IL24: variants seen among roughly 807,000 people sequenced by gnomAD.
The protein encoded by IL24 is interleukin 24, also known as interleukin-24.
In IL24, 24 loss-of-function variants were observed where a neutral mutation model predicts 27.6. The observed-to-expected ratio is 0.87, with a 90% CI of 0.63 to 1.22. The LOEUF is 1.22. Ranked by LOEUF, IL24 falls within the 50% of genes most tolerant of loss-of-function variation. IL24 has a pLI of 0.00. For synonymous variants in IL24, 99 were observed against 93.1 expected, an observed-to-expected ratio of 1.06 and a Z score of -0.36; for missense variants, 240 against 237.0, an observed-to-expected ratio of 1.01 and a Z score of -0.08.
chr1:206,898,181 A>G (rs1396404312), intron 2 of IL24, among the ~76,000 whole-genome samples: 1 of 115,008 alleles, frequency 8.7e-6, no homozygotes, highest in East Asian at 3.2e-4. Flanking sequence ...AAAAAAAAAA[A>G]AAAAAGCCTG....
intron 5 of IL24, 129 bp from the exon 6 acceptor site, chr1:206,901,869 G>T: frequency 1.0e-6 from 1 of 970,466 alleles, no homozygotes. Flanking sequence ...GTTACCTTGG[G>T]GAATGCAGGA....
rs755125995 is a variant in IL24 at position 206,899,498 on chromosome 1, G to T, written c.223G>T (p.Ala75Ser). Residue 75 changes from alanine (A) to serine (S), a missense_variant, in exon 3 of 7, where the codon GCT becomes TCT. By Grantham distance (99) the Ala-to-Ser change is moderately conservative (BLOSUM62 1). Transcript: ENST00000294984. ...CCAGAAACTGTGGGAAGCCTTCTGG[G>T]CTGTGAAAGACACTATGGTGAGTAA... is the stretch of plus-strand genomic sequence containing the variant. ...VPQKLWEAFWAVKDTMQAQDN... is the reference protein window; with the variant it reads ...VPQKLWEAFWSVKDTMQAQDN... 1 of 1,606,888 alleles carries T rather than the reference G, an allele frequency of 6.2e-7. No homozygotes were observed. The highest frequency in any genetic ancestry group is 1.7e-5 in the Admixed American group (1 of 59,334).
chr1:206,899,300 G>T lies in IL24; in HGVS notation c.45-20G>T. ...GGTCAGAGGGCCGGCCTCACAGGCT[G>T]CCTCCCTTTCTTTCAGCAGACCCTT... On this transcript the variant is annotated intron_variant, in intron 2 of 6. Coordinates refer to ENST00000294984, the MANE Select transcript of IL24 (RefSeq NM_006850.3). The T allele has an allele frequency of 1.9e-6, 3 of 1,610,804 alleles. No homozygotes were observed. The highest frequency in any genetic ancestry group is 2.5e-6 in the Non-Finnish European group (3 of 1,178,640).
chr1:206,903,477 T>C lies in IL24; in HGVS notation c.*418T>C, dbSNP rs150561195. 95 of 164,538 alleles carry C rather than the reference T, an allele frequency of 5.8e-4. No homozygotes were observed. The highest frequency in any genetic ancestry group is 2.2e-3 in the African/African-American group (93 of 41,776). 10.2% of individuals were successfully genotyped at this position (164,538 alleles called of 1,614,324 possible). A position where few individuals can be genotyped will look rare whatever the true frequency, so the allele number is the denominator to read the frequency against. On this transcript the variant is annotated 3_prime_UTR_variant, in exon 7 of 7. Transcript: ENST00000294984. ...ATAAACTGTGGTGCTTTTTTTGGCCTGTCTTTGGATTGTTAAAAAACAGAG... is the reference window on the plus strand; with the variant it reads ...ATAAACTGTGGTGCTTTTTTTGGCCCGTCTTTGGATTGTTAAAAAACAGAG...
At chr1:206,898,740 T>C (rs1483527304) in intron 2 of IL24, among the ~76,000 whole-genome samples, 2 of 152,072 alleles carry the variant, frequency 1.3e-5, no homozygotes, top group Non-Finnish European at 2.9e-5. Flanking sequence ...TTAGTGGAGG[T>C]GGCATAGTCT....
intron 4 of IL24, among the ~76,000 whole-genome samples, chr1:206,900,744 T>C (rs1175314236): frequency 6.6e-6 from 1 of 151,714 alleles, no homozygotes; most frequent in African/African-American, 2.4e-5. Context: ...TGATGTCTCA[T>C]AGACTGGATA....
In IL24 at chr1:206,897,813, G is replaced by C. The variant is rs573462995; in HGVS notation, c.-20G>C. ...TGAGGCTGCTTGGGAGGAAGGCCAG[G>C]AGGAACACGAGACTGAGAGATGAAT... On this transcript the variant is annotated 5_prime_UTR_variant, in exon 2 of 7. Coordinates refer to ENST00000294984, the MANE Select transcript of IL24 (RefSeq NM_006850.3). 1.2e-6 allele frequency: 2 copies of C among 1,612,448 alleles called. No homozygotes were observed. The highest frequency in any genetic ancestry group is 1.3e-5 in the African/African-American group (1 of 74,868).
At chr1:206,898,852 AG>A (rs1261089855) in intron 2 of IL24, among the ~76,000 whole-genome samples, 1 of 152,092 alleles carries the variant, frequency 6.6e-6, no homozygotes, top group East Asian at 1.9e-4. Context: ...CCTGGGGAGG[AG>A]AAAAAGACCT....
In IL24 at chr1:206,902,540, C is replaced by CA. The variant is rs1044062421; in HGVS notation, c.538-436_538-435insA. The CA allele has an allele frequency of 2.2e-4, 212 of 982,136 alleles. 2 individuals carry two copies. The highest frequency in any genetic ancestry group is 1.3e-4 in the Admixed American group (2 of 15,844). 60.8% of individuals were successfully genotyped at this position (982,136 alleles called of 1,614,324 possible). ...AAACCCAAATTTCATCCCCAGCCCC[C>CA]CTAAAAACATAAATGATTTCGATCA... On this transcript the variant is annotated intron_variant, in intron 6 of 6. Transcript: ENST00000294984.
intron 2 of IL24, among the ~76,000 whole-genome samples, chr1:206,899,012 G>A (rs3093443): frequency 3.1e-4 from 47 of 152,294 alleles, no homozygotes; most frequent in Non-Finnish European, 6.2e-4. Flanking sequence ...ATTCTGACTC[G>A]CAGGTTGTAG....
intron 2 of IL24, 144 bp downstream of exon 2, chr1:206,898,020 G>A (rs1678225975): frequency 1.9e-6 from 1 of 522,786 alleles, no homozygotes; most frequent in South Asian, 2.3e-5. Context: ...AGTTGGGCAT[G>A]TGTTTTTGAT....
In IL24 at chr1:206,902,036, C is replaced by T. The variant is rs1678409255; in HGVS notation, c.501C>T (p.His167=). ...TGTTTTCCATCAGAGACAGTGCACA[C>T]AGGCGGTTTCTGCTATTCCGGAGAG... ...NEMFSIRDSA[H]RRFLLFRRAF... is the part of the protein sequence containing the mutation. Residue 167 remains histidine (H), a synonymous_variant, in exon 6 of 7, where the codon CAC becomes CAT. Coordinates refer to ENST00000294984, the MANE Select transcript of IL24 (RefSeq NM_006850.3). The T allele has an allele frequency of 1.9e-6, 3 of 1,614,140 alleles. No homozygotes were observed. Among genetic ancestry groups the T allele is most frequent in the Non-Finnish European group, 2.5e-6 (3 of 1,180,036 alleles).
Position 206,902,053 on chromosome 1 carries a change from T to C in IL24, c.518T>C (p.Phe173Ser). ...AGTGCACACAGGCGGTTTCTGCTATTCCGGAGAGCATTCAAACAGGTAAGG... is the reference window on the plus strand; with the variant it reads ...AGTGCACACAGGCGGTTTCTGCTATCCCGGAGAGCATTCAAACAGGTAAGG... The part of the protein sequence containing the change: ...RDSAHRRFLL[F>S]RRAFKQLDVE... Residue 173 changes from phenylalanine (F) to serine (S), a missense_variant, in exon 6 of 7, where the codon TTC becomes TCC. Phe to Ser is a radical substitution (Grantham distance 155, BLOSUM62 -2). Transcript: ENST00000294984. 1 of 1,614,084 alleles carries C rather than the reference T, an allele frequency of 6.2e-7. No individual in the cohort carries two copies. Among genetic ancestry groups the C allele is most frequent in the East Asian group, 2.2e-5 (1 of 44,888 alleles).
At position 206,901,609 on chromosome 1, in the gene IL24, T is replaced by C. The variant is rs762074974; in HGVS notation, c.419T>C (p.Leu140Pro). 1.1e-5 allele frequency: 18 copies of C among 1,614,226 alleles called. No homozygotes were observed. The highest frequency in any genetic ancestry group is 1.4e-5 in the Non-Finnish European group (17 of 1,180,032). Residue 140 changes from leucine to proline, a missense_variant, in exon 5 of 7, where the codon CTG (leucine) becomes CCG (proline). Leu to Pro is a moderately conservative substitution (Grantham distance 98, BLOSUM62 -3). Transcript: ENST00000294984. ...AGGACTCTGAAGTCATTCTCTACTC[T>C]GGCCAACAACTTTGTTCTCATCGTG... Reference protein sequence around the residue: ...EVRTLKSFSTLANNFVLIVSQ... With the variant: ...EVRTLKSFSTPANNFVLIVSQ...
intron 2 of IL24, 142 bp downstream of exon 2, chr1:206,898,018 A>G: frequency 1.9e-6 from 1 of 523,322 alleles, no homozygotes; most frequent in Non-Finnish European, 3.4e-6. Flanking sequence ...TTAGTTGGGC[A>G]TGTGTTTTTG....
In IL24 at chr1:206,904,029, C is replaced by A. The variant is rs887003357; in HGVS notation, c.*970C>A. On this transcript the variant is annotated 3_prime_UTR_variant, in exon 7 of 7. Coordinates refer to ENST00000294984, the MANE Select transcript of IL24 (RefSeq NM_006850.3). ...CTAAAGATACAGTGTCTGACTATAA[C>A]CTTGTTCCAAAAACCTAGGCAAAGA... is the stretch of plus-strand genomic sequence containing the variant. 1 of 152,342 alleles carries A rather than the reference C, an allele frequency of 6.6e-6. No individual in the cohort carries two copies. The highest frequency in any genetic ancestry group is 6.5e-5 in the Admixed American group (1 of 15,278). 9.4% of individuals were successfully genotyped at this position (152,342 alleles called of 1,614,324 possible).
At chr1:206,897,684 G>A in intron 1 of IL24, 47 bp from the exon 2 acceptor site, 1 of 655,062 alleles carries the variant, frequency 1.5e-6, no homozygotes, top group Non-Finnish European at 2.6e-6. Flanking sequence ...GTGAAAAGGG[G>A]TCAAGGTGGG....
At chr1:206,901,771 T>A in intron 5 of IL24, 119 bp downstream of exon 5, 1 of 916,606 alleles carries the variant, frequency 1.1e-6, no homozygotes, top group Non-Finnish European at 1.7e-6. Flanking sequence ...TTGTTATCTG[T>A]AAAATGGGGA....
rs752308267 is a variant in IL24, at chr1:206,899,338, G to T, written c.63G>T (p.Leu21Phe). ...TCAGCAGACCCTTCTGCCCTCCTTT[G>T]CTGGCGACAGCCTCTCAAATGCAGA... is the stretch of plus-strand genomic sequence containing the variant. ...WTLARPFCPPLLATASQMQMV... is the reference protein window; with the variant it reads ...WTLARPFCPPFLATASQMQMV... The change falls in exon 3 of 7, where the codon TTG (leucine) becomes TTT (phenylalanine). Residue 21 changes from leucine to phenylalanine, a missense_variant. Leu to Phe is a conservative substitution (Grantham distance 22, BLOSUM62 0). Coordinates refer to ENST00000294984, the MANE Select transcript of IL24 (RefSeq NM_006850.3). 1 of 1,613,882 alleles carries T rather than the reference G, an allele frequency of 6.2e-7. No homozygotes were observed. The highest frequency in any genetic ancestry group is 8.5e-7 in the Non-Finnish European group (1 of 1,179,954).
Sources: allele counts gnomAD v4.1 joint callset (sites outside exome capture counted in the v4.1 genomes callset), GRCh38; gene constraint gnomAD v4.1.1; transcripts MANE v1.5; gene names NCBI Gene and HGNC (gene_info 2026-07-23, HGNC 2026-07-21).